IFI30: variants seen among roughly 807,000 people sequenced by gnomAD.
IFI30 encodes IFI30 lysosomal thiol reductase.
A neutral mutation model predicts 30.1 loss-of-function variants in IFI30; 26 were observed. The ratio of observed to expected loss-of-function variants is 0.87; its 90% CI spans 0.63 to 1.20. The LOEUF (loss-of-function observed/expected upper bound fraction) is 1.20, where lower values mean the gene tolerates loss of function less well. Among genes scored for constraint, IFI30 ranks in the 50% most tolerant of loss-of-function variants. The probability of loss-of-function intolerance (pLI) is 0.00; values close to 1 mark genes in which losing one functional copy is unlikely to be tolerated. For missense variants in IFI30, 296 were observed against 312.5 expected (o/e 0.95, Z 0.40); for synonymous variants, 149 against 134.5 (o/e 1.11, Z -0.75).
Position 18,175,847 on chromosome 19 carries a change from T to A in IFI30, c.483+150T>A, listed in dbSNP as rs908321701. The A allele has an allele frequency of 1.1e-4, 64 of 572,026 alleles. 2 individuals carry two copies. Among genetic ancestry groups the A allele is most frequent in the South Asian group, 7.7e-4 (33 of 42,894 alleles). 35.4% of individuals were successfully genotyped at this position (572,026 alleles called of 1,614,324 possible). A position where few individuals can be genotyped will look rare whatever the true frequency, so the allele number is the denominator to read the frequency against. ...CTACCCTTCTTTATTTTATTTATTT[T>A]TTTATTTTTTCTTGAGACAGAGTCT... On this transcript the variant is annotated intron_variant, in intron 4 of 6. Coordinates refer to ENST00000407280, the MANE Select transcript of IFI30 (RefSeq NM_006332.5).
At chr19:18,174,160 C>T in intron 1 of IFI30, 187 bp downstream of exon 1, 1 of 580,236 alleles carries the variant, frequency 1.7e-6, no homozygotes, top group South Asian at 2.3e-5. Context: ...CGTGCCGTTT[C>T]GCTTTCGCAT....
chr19:18,175,424 A>C, intron 3 of IFI30, 39 bp downstream of exon 3: 1 of 1,549,470 alleles, frequency 6.5e-7, no homozygotes, highest in African/African-American at 1.4e-5. Context: ...GTGGGGGAAA[A>C]CTGTCCCACG....
rs766567273 is a variant in IFI30 at position 18,177,738 on chromosome 19, C to T, written c.664C>T (p.Leu222Phe). The T allele has an allele frequency of 8.7e-6, 14 of 1,613,886 alleles. No individual in the cohort carries two copies. The South Asian group carries it at 1.5e-4, about 18-fold the overall frequency. ...GKPLEDQTQL[L>F]TLVCQLYQGK... is the part of the protein sequence containing the mutation. ...ACCCTTGGAAGATCAGACCCAGCTC[C>T]TTACCCTTGTCTGCCAGTTGTACCA... The change falls in exon 6 of 7, where the codon CTT (leucine) becomes TTT (phenylalanine). Residue 222 changes from leucine (L) to phenylalanine (F), a missense_variant. By Grantham distance (22) the Leu-to-Phe change is conservative. Coordinates refer to ENST00000407280, the MANE Select transcript of IFI30 (RefSeq NM_006332.5).
rs761052681 is a variant in IFI30, at chr19:18,173,876, CGCTGCT to C, written c.46_51del (p.Leu16_Leu17del). 1.5e-5 allele frequency: 23 copies of C among 1,491,232 alleles called. No individual in the cohort carries two copies. The highest frequency in any genetic ancestry group is 2.0e-5 in the Non-Finnish European group (22 of 1,102,416). 92.4% of individuals were successfully genotyped at this position (1,491,232 alleles called of 1,614,324 possible). On this transcript the variant is annotated inframe_deletion, in exon 1 of 7. Transcript: ENST00000407280. ...TCGCCACTTCTGCTGTTCCTGCCAC[CGCTGCT>C]GCTGCTGCTGGACGTCCCCACGGCG...
chr19:18,176,919 AC>A (rs1355898344), intron 4 of IFI30, among the ~76,000 whole-genome samples: 4 of 152,046 alleles, frequency 2.6e-5, no homozygotes, highest in Non-Finnish European at 5.9e-5. Context: ...TAGGGATGAA[AC>A]CAAGGGAGCT....
chr19:18,175,431 C>T, intron 3 of IFI30, 46 bp downstream of exon 3: 1 of 1,537,624 alleles, frequency 6.5e-7, no homozygotes, highest in Middle Eastern at 1.9e-4. Flanking sequence ...AAAACTGTCC[C>T]ACGTACAGGA....
At chr19:18,174,446 C>G (rs1235248348) in intron 1 of IFI30, 1 of 159,804 alleles carries the variant, frequency 6.3e-6, no homozygotes, top group Non-Finnish European at 1.4e-5. Context: ...CATGGGCCAC[C>G]CGCCACCCCT....
In IFI30 at chr19:18,177,270, T is replaced by G; in HGVS notation, c.614T>G (p.Val205Gly). 1 of 1,586,348 alleles carries G rather than the reference T, an allele frequency of 6.3e-7. No homozygotes were observed. Among genetic ancestry groups the G allele is most frequent in the South Asian group, 1.2e-5 (1 of 86,810 alleles). Residue 205 changes from valine to glycine, a missense_variant, in exon 5 of 7, where the codon GTG (valine) becomes GGG (glycine). By Grantham distance (109) the Val-to-Gly change is moderately radical. Transcript: ENST00000407280. ...GCTCTCCAGCCACCACACGAGTATG[T>G]GCCCTGGGTCACCGTCAATGGGGTA... ...TDALQPPHEYVPWVTVNGKPL... is the reference protein window; with the variant it reads ...TDALQPPHEYGPWVTVNGKPL...
chr19:18,176,142 T>TA (rs1491546137), intron 4 of IFI30, among the ~76,000 whole-genome samples: 1 of 28,476 alleles, frequency 3.5e-5, no homozygotes, highest in African/African-American at 1.6e-4. Context: ...CACCCAGCCC[T>TA]TTTTTTTTTT....
Position 18,177,891 on chromosome 19 carries a change from A to G in IFI30, c.733A>G (p.Arg245Gly), listed in dbSNP as rs746091568. 2 of 1,594,618 alleles carry G rather than the reference A, an allele frequency of 1.3e-6. No individual in the cohort carries two copies. Among genetic ancestry groups the G allele is most frequent in the Non-Finnish European group, 8.5e-7 (1 of 1,170,390 alleles). ...CTGCCCTTCCTCAACCAGCTCCCTC[A>G]GGAGTGTTTGCTTCAAGTGATGGCC... ...DVCPSSTSSLRSVCFK is the reference protein window; with the variant it reads ...DVCPSSTSSLGSVCFK Residue 245 changes from arginine to glycine, a missense_variant, in exon 7 of 7, where the codon AGG (arginine) becomes GGG (glycine). By Grantham distance (125) the Arg-to-Gly change is moderately radical. Coordinates refer to ENST00000407280, the MANE Select transcript of IFI30 (RefSeq NM_006332.5).
intron 2 of IFI30, 32 bp from the exon 3 acceptor site, chr19:18,175,279 T>A (rs1214927642): frequency 6.3e-7 from 1 of 1,576,556 alleles, no homozygotes; most frequent in Non-Finnish European, 8.6e-7. Context: ...GGACCCAGCC[T>A]ACCAGCAGGC....
rs1255220051 is a variant in IFI30, at chr19:18,177,700, G to A, written c.637-11G>A. 1 of 1,613,610 alleles carries A rather than the reference G, an allele frequency of 6.2e-7. No individual in the cohort carries two copies. The highest frequency in any genetic ancestry group is 1.1e-5 in the South Asian group (1 of 90,944). ...GCTGGGAATATGCGACCCCTGTCTT[G>A]CTTTGTGCAGAAACCCTTGGAAGAT... On this transcript the variant is annotated splice_polypyrimidine_tract_variant and intron_variant, in intron 5 of 6. Coordinates refer to ENST00000407280, the MANE Select transcript of IFI30 (RefSeq NM_006332.5).
In IFI30 at chr19:18,176,333, T is replaced by G. The variant is rs757884108; in HGVS notation, c.483+636T>G. On this transcript the variant is annotated intron_variant, in intron 4 of 6. Coordinates refer to ENST00000407280, the MANE Select transcript of IFI30 (RefSeq NM_006332.5). ...CCATGCCCGGCTAATTTTTGTATTT[T>G]TAGTAGAGACAGTGTTCACCATGTT... 8.4e-4 allele frequency among the ~76,000 whole-genome samples: 128 copies of G among 151,854 alleles called. 5 individuals carry two copies. Among genetic ancestry groups the G allele is most frequent in the Non-Finnish European group, 3.4e-4 (23 of 67,978 alleles).
chr19:18,176,181 G>GTTTT (rs1967268554), intron 4 of IFI30, among the ~76,000 whole-genome samples: 1 of 101,570 alleles, frequency 9.8e-6, no homozygotes, highest in East Asian at 2.5e-4. Flanking sequence ...TTGAGACAGG[G>GTTTT]TTTTGCTCTG....
At chr19:18,176,666 G>A (rs1967273390) in intron 4 of IFI30, among the ~76,000 whole-genome samples, 1 of 152,176 alleles carries the variant, frequency 6.6e-6, no homozygotes, top group African/African-American at 2.4e-5. Flanking sequence ...GACTCCCAGA[G>A]AAGTGACTCA....
rs886775610 is a variant in IFI30 at position 18,175,584 on chromosome 19, T to C, written c.391-21T>C. 2.5e-6 allele frequency: 4 copies of C among 1,594,564 alleles called. No homozygotes were observed. The Admixed American group carries it at 5.3e-5, about 21-fold the overall frequency. On this transcript the variant is annotated intron_variant, in intron 3 of 6. Transcript: ENST00000407280. ...CCTAGGCCCTCTTCATGCCCTCTCCTGCCCCCTCTCCAAACCCCAGGCCTG... is the reference window on the plus strand; with the variant it reads ...CCTAGGCCCTCTTCATGCCCTCTCCCGCCCCCTCTCCAAACCCCAGGCCTG...
rs1348027054 is a variant in IFI30, at chr19:18,175,255, G to A, written c.315+33G>A. The A allele has an allele frequency of 5.1e-6, 8 of 1,575,914 alleles. No individual in the cohort carries two copies. The East Asian group carries it at 9.4e-5, about 18-fold the overall frequency. On this transcript the variant is annotated intron_variant, in intron 2 of 6. Coordinates refer to ENST00000407280, the MANE Select transcript of IFI30 (RefSeq NM_006332.5). ...GGCGCTGGGGAAACTGAGGCACGTG[G>A]GCAGGGGAGCAGGGGACCCAGCCTA...
chr19:18,174,206 T>TAGTCCCGCCC (rs1309302233), intron 1 of IFI30: 2 of 495,294 alleles, frequency 4.0e-6, no homozygotes, highest in African/African-American at 2.0e-5. Context: ...TCCACCCGCC[T>TAGTCCCGCCC]AGTCCCGCCC....
rs761933196 is a variant in IFI30 at position 18,173,832 on chromosome 19, C to A, written c.-10C>A. The A allele has an allele frequency of 6.5e-7, 1 of 1,542,762 alleles. No homozygotes were observed. Among genetic ancestry groups the A allele is most frequent in the Non-Finnish European group, 8.7e-7 (1 of 1,144,984 alleles). Reference sequence around the variant, plus strand: ...GCCGCTGCAGTCGCCACACCTTTGCCCCTGCTGCGATGACCCTGTCGCCAC... The same window carrying A: ...GCCGCTGCAGTCGCCACACCTTTGCACCTGCTGCGATGACCCTGTCGCCAC... On this transcript the variant is annotated 5_prime_UTR_variant, in exon 1 of 7. Transcript: ENST00000407280.
Sources: gnomAD v4.1 joint callset for allele counts (sites outside exome capture counted in the v4.1 genomes callset) on GRCh38, gnomAD v4.1.1 for gene constraint, MANE v1.5 for transcripts, NCBI Gene and HGNC (gene_info 2026-07-23, HGNC 2026-07-21) for gene names.